Variants in NPAS3 observed in about 807,000 individuals in gnomAD.
NPAS3 encodes neuronal PAS domain protein 3, also known as neuronal PAS domain-containing protein 3.
Under a neutral mutation model 73.1 loss-of-function variants are expected in NPAS3, and 14 were observed. The observed-to-expected ratio is 0.19, with a 90% CI of 0.13 to 0.30. The LOEUF (loss-of-function observed/expected upper bound fraction) is 0.30. Among genes scored for constraint, NPAS3 ranks in the 10% least tolerant of loss-of-function variants. The pLI is 1.00. For synonymous variants in NPAS3, 620 were observed against 541.5 expected, an observed-to-expected ratio of 1.14 and a Z score of -2.01; for missense variants, 1,096 against 1,250.0, an observed-to-expected ratio of 0.88 and a Z score of 1.86.
Position 32,947,177 on chromosome 14 carries a change from T to C in NPAS3, c.50+7811T>C, listed in dbSNP as rs183639801. ...AGAAAAATTAATATTGGATTAAGGGTCAATATAAGTGTGAATATAGCTATA... is the reference window on the plus strand; with the variant it reads ...AGAAAAATTAATATTGGATTAAGGGCCAATATAAGTGTGAATATAGCTATA... On this transcript the variant is annotated intron_variant, in intron 1 of 11. Coordinates refer to ENST00000356141, the Ensembl canonical transcript of NPAS3. 4.0e-3 allele frequency among the ~76,000 whole-genome samples: 609 copies of C among 152,202 alleles called. 3 individuals carry two copies. Among genetic ancestry groups the C allele is most frequent in the Non-Finnish European group, 2.4e-3 (165 of 68,000 alleles).
At chr14:33,364,626 T>C (rs1402875953) in intron 3 of NPAS3, among the ~76,000 whole-genome samples, 1 of 152,106 alleles carries the variant, frequency 6.6e-6, no homozygotes, top group African/African-American at 2.4e-5. Context: ...GGGTACACAC[T>C]CAGATTTCTA....
At chr14:33,578,493 C>G (rs1433083504) in intron 5 of NPAS3, among the ~76,000 whole-genome samples, 1 of 152,166 alleles carries the variant, frequency 6.6e-6, no homozygotes, top group Non-Finnish European at 1.5e-5. Flanking sequence ...CGCACCCAGC[C>G]CCAACACCCG....
At chr14:33,252,640 ATTT>A (rs11431774) in intron 3 of NPAS3, among the ~76,000 whole-genome samples, 3 of 148,460 alleles carry the variant, frequency 2.0e-5, no homozygotes, top group Non-Finnish European at 4.5e-5. Flanking sequence ...ATAGTTATCT[ATTT>A]TTTTTTTAAT....
At chr14:33,667,928 T>G (rs78212273) in intron 5 of NPAS3, among the ~76,000 whole-genome samples, 11,678 of 152,232 alleles carry the variant, frequency 0.077, 631 homozygotes, top group South Asian at 0.25. Flanking sequence ...TAATTTTAAG[T>G]TCTGGGGTAC....
chr14:33,116,825 T>C (rs1269433461), intron 2 of NPAS3, among the ~76,000 whole-genome samples: 1 of 151,120 alleles, frequency 6.6e-6, no homozygotes, highest in African/African-American at 2.4e-5. Flanking sequence ...TTCTGTCTGC[T>C]GGAACTCAGT....
chr14:33,399,983 C>T (rs150577083), intron 4 of NPAS3, among the ~76,000 whole-genome samples: 109 of 152,198 alleles, frequency 7.2e-4, no homozygotes, highest in Middle Eastern at 3.4e-3. Context: ...AATCAATGCA[C>T]TGTACACATT....
rs1333158416 is a variant in NPAS3, at chr14:33,800,858, G to A, written c.2551G>A (p.Val851Ile). Reference sequence around the variant, plus strand: ...CAACCTGCTGCCCAACGCGCACGCTGTTAACTTCGTGGACGTTAACAGCCC... The same window carrying A: ...CAACCTGCTGCCCAACGCGCACGCTATTAACTTCGTGGACGTTAACAGCCC... The change falls in exon 12 of 12, where the codon GTT (valine) becomes ATT (isoleucine). Residue 851 changes from valine to isoleucine, a missense_variant. Val to Ile is a conservative substitution (Grantham distance 29). Around this residue, in one of 5 missense-constraint regions of NPAS3, gnomAD observed 698 missense variants for 676.7 expected, o/e 1.03. Transcript: ENST00000356141. This position sits in a 1 kb window ranked among gnomAD's most constrained non-coding sequence, Gnocchi z 6.5. 6.2e-7 allele frequency: 1 copy of A among 1,605,866 alleles called. No individual in the cohort carries two copies. Among genetic ancestry groups the A allele is most frequent in the Non-Finnish European group, 8.5e-7 (1 of 1,176,766 alleles).
chr14:33,285,474 G>T (rs2041837036), intron 3 of NPAS3, among the ~76,000 whole-genome samples: 1 of 152,098 alleles, frequency 6.6e-6, no homozygotes, highest in Non-Finnish European at 1.5e-5. Context: ...CCCATCTCTG[G>T]AATGGCAGAT....
At chr14:33,257,829 A>G (rs2048833075) in intron 3 of NPAS3, among the ~76,000 whole-genome samples, 1 of 152,142 alleles carries the variant, frequency 6.6e-6, no homozygotes, top group Non-Finnish European at 1.5e-5. Context: ...ATTATATTAC[A>G]AAGGAGAAGT....
At chr14:33,271,772 G>A (rs534392456) in intron 3 of NPAS3, among the ~76,000 whole-genome samples, 8 of 152,076 alleles carry the variant, frequency 5.3e-5, no homozygotes, top group Non-Finnish European at 1.0e-4. Context: ...GTTCTGGCAT[G>A]TACTGTAATA....
chr14:33,686,721 C>G (rs1595439846), intron 6 of NPAS3, among the ~76,000 whole-genome samples: 1 of 152,148 alleles, frequency 6.6e-6, no homozygotes. Flanking sequence ...AGCAGGCTGG[C>G]ACCAGAGCCC....
intron 5 of NPAS3, among the ~76,000 whole-genome samples, chr14:33,568,050 A>G (rs963949136): frequency 2.6e-5 from 4 of 152,168 alleles, no homozygotes; most frequent in African/African-American, 9.7e-5. Flanking sequence ...TAATTTCTGG[A>G]CTTAAAGTGA....
intron 5 of NPAS3, among the ~76,000 whole-genome samples, chr14:33,598,409 T>C (rs550527908): frequency 4.6e-5 from 7 of 152,356 alleles, no homozygotes; most frequent in African/African-American, 1.4e-4. Flanking sequence ...TGTGTGTATA[T>C]GTGAATAGTT....
intron 3 of NPAS3, among the ~76,000 whole-genome samples, chr14:33,326,366 T>G (rs1301556063): frequency 6.6e-6 from 1 of 152,130 alleles, no homozygotes; most frequent in Non-Finnish European, 1.5e-5. Flanking sequence ...TGGAACCAAA[T>G]TTTAAAAACA....
intron 5 of NPAS3, among the ~76,000 whole-genome samples, chr14:33,663,492 A>G (rs1289614028): frequency 6.6e-6 from 1 of 152,016 alleles, no homozygotes; most frequent in Non-Finnish European, 1.5e-5. Context: ...GGATTTTCAA[A>G]TCGATGTTCA....
intron 4 of NPAS3, among the ~76,000 whole-genome samples, chr14:33,450,231 G>C (rs560748250): frequency 6.6e-6 from 1 of 152,150 alleles, no homozygotes; most frequent in Admixed American, 6.5e-5. Flanking sequence ...AGCATCTAAC[G>C]TGATGTTTCT....
At chr14:33,438,806 T>C (rs1486448468) in intron 4 of NPAS3, among the ~76,000 whole-genome samples, 1 of 152,126 alleles carries the variant, frequency 6.6e-6, no homozygotes, top group African/African-American at 2.4e-5. Flanking sequence ...ATTTTCCACG[T>C]TGGTTAATAG....
chr14:33,480,579 C>CTCTCTCCTTCTGGGTCCCTCTCTT (rs2051279222), intron 4 of NPAS3, among the ~76,000 whole-genome samples: 1 of 144,130 alleles, frequency 6.9e-6, no homozygotes, highest in Non-Finnish European at 1.5e-5. Context: ...CTCCCTCTCT[C>CTCTCTCCTTCTGGGTCCCTCTCTT]TCTCTCCCTT....
chr14:33,234,709 A>G (rs995462163), intron 3 of NPAS3, among the ~76,000 whole-genome samples: 2 of 151,936 alleles, frequency 1.3e-5, no homozygotes, highest in Non-Finnish European at 2.9e-5. Context: ...AGTGTGCATA[A>G]TTTTTTTGTT....
Sources: gnomAD v4.1 joint callset for allele counts (sites outside exome capture counted in the v4.1 genomes callset) on GRCh38, gnomAD v4.1.1 for gene constraint, gnomAD v4.1.1 regional missense constraint, Gnocchi (gnomAD v3.1) non-coding constraint, MANE v1.5 for transcripts, NCBI Gene and HGNC (gene_info 2026-07-23, HGNC 2026-07-21) for gene names.